ATF7IP2: variants seen among roughly 807,000 people sequenced by gnomAD.
ATF7IP2 encodes the protein activating transcription factor 7 interacting protein 2, also known as activating transcription factor 7-interacting protein 2.
Under a neutral mutation model 64.2 loss-of-function variants are expected in ATF7IP2, and 42 were observed. The ratio of observed to expected loss-of-function variants is 0.65; its 90% CI spans 0.51 to 0.85. The LOEUF (loss-of-function observed/expected upper bound fraction) is 0.85. Among genes scored for constraint, ATF7IP2 ranks in the 40% least tolerant of loss-of-function variants. The pLI, the probability that ATF7IP2 is intolerant of heterozygous loss-of-function variation, is 0.00. For missense variants in ATF7IP2, 933 were observed against 784.2 expected (o/e 1.19, Z -2.27); for synonymous variants, 308 against 272.8 (o/e 1.13, Z -1.27).
intron 6 of ATF7IP2, among the ~76,000 whole-genome samples, chr16:10,436,876 C>T (rs2048436417): frequency 6.6e-6 from 1 of 151,736 alleles, no homozygotes; most frequent in Admixed American, 6.6e-5. Context: ...ATTAATTATT[C>T]TCCCTGAAAA....
intron 1 of ATF7IP2, chr16:10,387,719 A>C (rs2047229625): frequency 6.6e-6 from 1 of 152,324 alleles, no homozygotes; most frequent in South Asian, 2.1e-4. Flanking sequence ...AGTTAAAAAT[A>C]AAATACAACT....
intron 9 of ATF7IP2, among the ~76,000 whole-genome samples, chr16:10,460,509 G>T (rs2049339122): frequency 6.6e-6 from 1 of 152,140 alleles, no homozygotes; most frequent in Non-Finnish European, 1.5e-5. Context: ...GGCATGCGCT[G>T]GACAAATAGA....
intron 12 of ATF7IP2, among the ~76,000 whole-genome samples, chr16:10,476,307 A>C (rs2050005451): frequency 6.6e-6 from 1 of 152,224 alleles, no homozygotes; most frequent in Non-Finnish European, 1.5e-5. Context: ...GAAAAGAAAA[A>C]TATAAGTAAA....
intron 6 of ATF7IP2, 126 bp from the exon 7 acceptor site, chr16:10,437,975 A>G (rs1268177762): frequency 3.0e-6 from 2 of 659,342 alleles, no homozygotes; most frequent in South Asian, 6.5e-5. Context: ...AAACATACAA[A>G]TATAAATAAA....
At chr16:10,473,689 A>G (rs888956384) in intron 11 of ATF7IP2, among the ~76,000 whole-genome samples, 155 bp downstream of exon 11, 1 of 152,210 alleles carries the variant, frequency 6.6e-6, no homozygotes, top group African/African-American at 2.4e-5. Flanking sequence ...AACGATACTC[A>G]TTTACCAAAT....
chr16:10,437,210 G>T (rs549910596), intron 6 of ATF7IP2, among the ~76,000 whole-genome samples: 4 of 151,880 alleles, frequency 2.6e-5, no homozygotes, highest in Non-Finnish European at 5.9e-5. Flanking sequence ...TAGTAGAGTC[G>T]GGGTTTCACC....
chr16:10,465,007 T>C (rs1229781908), intron 9 of ATF7IP2, among the ~76,000 whole-genome samples: 1 of 152,188 alleles, frequency 6.6e-6, no homozygotes, highest in East Asian at 1.9e-4. Context: ...ATTTTGTGTT[T>C]TTAGTAGAGA....
At chr16:10,476,111 T>A (rs2049998979) in intron 12 of ATF7IP2, among the ~76,000 whole-genome samples, 1 of 152,204 alleles carries the variant, frequency 6.6e-6, no homozygotes. Context: ...AATGTAAAGG[T>A]TGTTTGTATT....
intron 2 of ATF7IP2, among the ~76,000 whole-genome samples, chr16:10,417,429 T>G (rs982565177): frequency 3.3e-5 from 5 of 152,164 alleles, no homozygotes; most frequent in Non-Finnish European, 5.9e-5. Flanking sequence ...CAGGAGCAGC[T>G]AGACATATCT....
chr16:10,476,216 T>G (rs1393806597), intron 12 of ATF7IP2, among the ~76,000 whole-genome samples: 1 of 152,202 alleles, frequency 6.6e-6, no homozygotes. Context: ...AACTCCTTAC[T>G]TCTAGGAAGG....
At position 10,431,132 on chromosome 16, in the gene ATF7IP2, C is replaced by T. The variant is rs760681694; in HGVS notation, c.512C>T (p.Pro171Leu). 4.3e-6 allele frequency: 7 copies of T among 1,614,098 alleles called. No individual in the cohort carries two copies. The highest frequency in any genetic ancestry group is 5.9e-6 in the Non-Finnish European group (7 of 1,180,014). Residue 171 changes from proline to leucine, a missense_variant, in exon 5 of 14, where the codon CCC becomes CTC. By Grantham distance (98) the Pro-to-Leu change is moderately conservative. Transcript: ENST00000562102. ...ACSLKSSCCPPSVLSGVVQMP... is the reference protein window; with the variant it reads ...ACSLKSSCCPLSVLSGVVQMP... ...AGTCTAAAGTCCAGTTGCTGTCCAC[C>T]CAGTGTATTGAGTGGTGTTGTTCAG...
intron 9 of ATF7IP2, among the ~76,000 whole-genome samples, chr16:10,464,343 A>G (rs1298927224): frequency 6.6e-6 from 1 of 152,196 alleles, no homozygotes; most frequent in Non-Finnish European, 1.5e-5. Flanking sequence ...CTCTAGAGAA[A>G]ACCAGGAGAT....
intron 9 of ATF7IP2, among the ~76,000 whole-genome samples, chr16:10,469,142 A>G (rs2049692926): frequency 6.6e-6 from 1 of 152,214 alleles, no homozygotes; most frequent in East Asian, 1.9e-4. Flanking sequence ...AGCAAAAAAT[A>G]TGACCTATCA....
chr16:10,398,181 G>A (rs571516981), intron 1 of ATF7IP2, among the ~76,000 whole-genome samples: 88 of 151,992 alleles, frequency 5.8e-4, no homozygotes, highest in Non-Finnish European at 1.2e-3. Context: ...GTGGACACCT[G>A]TAATCCCAGC....
In ATF7IP2 at chr16:10,482,061, A is replaced by G; in HGVS notation, c.1861A>G (p.Asn621Asp). Residue 621 changes from asparagine (N) to aspartate (D), a missense_variant, in exon 14 of 14, where the codon AAT becomes GAT. Asn to Asp is a conservative substitution (Grantham distance 23, BLOSUM62 1). Coordinates refer to ENST00000562102, the MANE Select transcript of ATF7IP2 (RefSeq NM_001393719.1). ...CCTCTTCCTGTGTCATGAGAACTCT[A>G]ATAATAAGTTGATTTGGAAGAAGAT... ...YHLFLCHENSNNKLIWKKIGE... is the reference protein window; with the variant it reads ...YHLFLCHENSDNKLIWKKIGE... 6.2e-7 allele frequency: 1 copy of G among 1,614,034 alleles called. No individual in the cohort carries two copies. Among genetic ancestry groups the G allele is most frequent in the African/African-American group, 1.3e-5 (1 of 75,040 alleles).
At chr16:10,407,486 C>T (rs1217854986) in intron 1 of ATF7IP2, among the ~76,000 whole-genome samples, 3 of 152,148 alleles carry the variant, frequency 2.0e-5, no homozygotes, top group Non-Finnish European at 2.9e-5. Flanking sequence ...AAATCCTAAA[C>T]AATACACCAA....
intron 2 of ATF7IP2, among the ~76,000 whole-genome samples, chr16:10,417,120 G>A (rs2047894701): frequency 6.6e-6 from 1 of 152,086 alleles, no homozygotes; most frequent in South Asian, 2.1e-4. Flanking sequence ...GGAATCAAAT[G>A]GCAACACAGT....
At chr16:10,441,018 C>T (rs576327148) in intron 8 of ATF7IP2, among the ~76,000 whole-genome samples, 11 of 152,182 alleles carry the variant, frequency 7.2e-5, no homozygotes, top group South Asian at 2.1e-4. Context: ...TTTCTGTTCT[C>T]GTGTTAGTTT....
At chr16:10,464,829 G>A (rs2049502643) in intron 9 of ATF7IP2, among the ~76,000 whole-genome samples, 2 of 150,462 alleles carry the variant, frequency 1.3e-5, no homozygotes, top group African/African-American at 5.0e-5. Context: ...TGCTGCTGTT[G>A]TTGATGTTGT....
Sources: allele counts gnomAD v4.1 joint callset (sites outside exome capture counted in the v4.1 genomes callset), GRCh38; gene constraint gnomAD v4.1.1; transcripts MANE v1.5; gene names NCBI Gene and HGNC (gene_info 2026-07-23, HGNC 2026-07-21).